Variants in MARVELD3 observed in about 807,000 individuals in gnomAD.
The protein encoded by MARVELD3 is MARVEL domain containing 3.
MARVELD3 carries 28 observed loss-of-function variants against 33.5 expected under a neutral mutation model. That is an observed-to-expected ratio of 0.84 (90% CI 0.62 to 1.15). MARVELD3 has a LOEUF of 1.15. Among genes scored for constraint, MARVELD3 ranks in the 50% most tolerant of loss-of-function variants. The probability of loss-of-function intolerance (pLI) is 0.00; values close to 1 mark genes in which losing one functional copy is unlikely to be tolerated. For missense variants in MARVELD3, 582 were observed against 547.6 expected (o/e 1.06, Z -0.63); for synonymous variants, 241 against 230.4 (o/e 1.05, Z -0.42).
At position 71,634,943 on chromosome 16, in the gene MARVELD3, C is replaced by G; in HGVS notation, c.*140C>G. 6.9e-7 allele frequency: 1 copy of G among 1,443,878 alleles called. No homozygotes were observed. The highest frequency in any genetic ancestry group is 9.1e-7 in the Non-Finnish European group (1 of 1,101,736). 89.4% of individuals were successfully genotyped at this position (1,443,878 alleles called of 1,614,324 possible). A position where few individuals can be genotyped will look rare whatever the true frequency, so the allele number is the denominator to read the frequency against. On this transcript the variant is annotated 3_prime_UTR_variant, in exon 3 of 3. Coordinates refer to ENST00000268485, the MANE Select transcript of MARVELD3 (RefSeq NM_052858.6). ...AGCGTTGGTGTGGTGGGCGGAGCTCCCAGTCGCATGGAGCGGTGTTCATGG... is the reference window on the plus strand; with the variant it reads ...AGCGTTGGTGTGGTGGGCGGAGCTCGCAGTCGCATGGAGCGGTGTTCATGG...
At chr16:71,640,814 CTA>C, downstream of MARVELD3, 3 of 1,614,250 alleles carry the variant, frequency 1.9e-6, no homozygotes, top group South Asian at 3.3e-5. Flanking sequence ...GAGAGAGGCT[CTA>C]TGCCCGCAAG....
Position 71,635,248 on chromosome 16 carries a change from G to A in MARVELD3, c.*445G>A, listed in dbSNP as rs1361721316. The A allele has an allele frequency of 2.3e-6, 2 of 872,456 alleles. No homozygotes were observed. Among genetic ancestry groups the A allele is most frequent in the African/African-American group, 3.7e-5 (2 of 54,476 alleles). 54.0% of individuals were successfully genotyped at this position (872,456 alleles called of 1,614,324 possible). A position where few individuals can be genotyped will look rare whatever the true frequency, so the allele number is the denominator to read the frequency against. Reference sequence around the variant, plus strand: ...GGAGGCTGAGGCAGGAGAATCGCTTGAATCTGGGAGGCGGAGATTGCAGTG... The same window carrying A: ...GGAGGCTGAGGCAGGAGAATCGCTTAAATCTGGGAGGCGGAGATTGCAGTG... On this transcript the variant is annotated 3_prime_UTR_variant, in exon 3 of 3. Transcript: ENST00000268485.
chr16:71,637,012 C>A (rs1045184151), downstream of MARVELD3, among the ~76,000 whole-genome samples: 1 of 152,192 alleles, frequency 6.6e-6, no homozygotes, highest in Non-Finnish European at 1.5e-5. Context: ...AAACTGCTAG[C>A]TCTGCTCGCC....
At chr16:71,631,639 G>T (rs554007263) in intron 2 of MARVELD3, among the ~76,000 whole-genome samples, 9 of 152,128 alleles carry the variant, frequency 5.9e-5, no homozygotes, top group African/African-American at 2.2e-4. Context: ...GTAGAGACAG[G>T]GTTTTACCAT....
At chr16:71,636,553 C>G (rs1364553727), downstream of MARVELD3, 1 of 152,030 alleles carries the variant, frequency 6.6e-6, no homozygotes, top group Non-Finnish European at 1.5e-5. Flanking sequence ...AAATGATCAG[C>G]CACAAAAACA....
Position 71,635,010 on chromosome 16 carries a change from G to C in MARVELD3, c.*207G>C. On this transcript the variant is annotated 3_prime_UTR_variant, in exon 3 of 3. Transcript: ENST00000268485. ...CTTCTGGAGTCCTCTGTGAGTGAGG[G>C]ACCAATCAAAATTATTTTTCAAAAA... The C allele has an allele frequency of 7.7e-7, 1 of 1,302,254 alleles. No individual in the cohort carries two copies. Among genetic ancestry groups the C allele is most frequent in the South Asian group, 2.2e-5 (1 of 45,244 alleles). 80.7% of individuals were successfully genotyped at this position (1,302,254 alleles called of 1,614,324 possible).
chr16:71,637,560 C>T (rs1209060785), downstream of MARVELD3, among the ~76,000 whole-genome samples: 1 of 152,156 alleles, frequency 6.6e-6, no homozygotes, highest in African/African-American at 2.4e-5. Flanking sequence ...AATGTAACTT[C>T]TCAACTATCA....
intron 2 of MARVELD3, among the ~76,000 whole-genome samples, chr16:71,633,302 T>C (rs2044550170): frequency 1.3e-5 from 2 of 152,234 alleles, no homozygotes; most frequent in South Asian, 4.1e-4. Flanking sequence ...GTCAAGGCTA[T>C]AGTGAGCTGT....
chr16:71,630,974 G>T (rs905209395), intron 2 of MARVELD3, among the ~76,000 whole-genome samples: 2 of 152,174 alleles, frequency 1.3e-5, no homozygotes, highest in Admixed American at 1.3e-4. Context: ...TGGTTTGTCT[G>T]GGTGAGAGCT....
At chr16:71,640,291 A>G (rs1382921672), downstream of MARVELD3, 2 of 1,356,804 alleles carry the variant, frequency 1.5e-6, no homozygotes, top group South Asian at 2.8e-5. Context: ...GTTGACATTG[A>G]ATCAACCACG....
chr16:71,641,142 T>C, downstream of MARVELD3: 2 of 1,318,284 alleles, frequency 1.5e-6, no homozygotes, highest in Admixed American at 2.7e-5. Context: ...AAATGCTCTC[T>C]TTGGACTGAG....
At position 71,635,709 on chromosome 16, in the gene MARVELD3, C is replaced by T. The variant is rs1706049364; in HGVS notation, c.*906C>T. 1.0e-6 allele frequency: 1 copy of T among 985,388 alleles called. No homozygotes were observed. The highest frequency in any genetic ancestry group is 1.1e-4 in the East Asian group (1 of 8,812). 61.0% of individuals were successfully genotyped at this position (985,388 alleles called of 1,614,324 possible). On this transcript the variant is annotated 3_prime_UTR_variant, in exon 3 of 3. Coordinates refer to ENST00000268485, the MANE Select transcript of MARVELD3 (RefSeq NM_052858.6). Reference sequence around the variant, plus strand: ...ACACAGTTGTCTCAAGCAGATTACTCCACACGTTTTTCCACACTGAACTCT... The same window carrying T: ...ACACAGTTGTCTCAAGCAGATTACTTCACACGTTTTTCCACACTGAACTCT...
chr16:71,640,365 A>T, downstream of MARVELD3: 1 of 1,608,092 alleles, frequency 6.2e-7, no homozygotes, highest in Non-Finnish European at 8.5e-7. Context: ...TGTCAGTGTT[A>T]AAGCCCGAAT....
intron 1 of MARVELD3, chr16:71,629,123 G>T: frequency 2.3e-6 from 1 of 442,532 alleles, no homozygotes; most frequent in Non-Finnish European, 3.9e-6. Context: ...CAGCTCCCAG[G>T]GGCAGACAAA....
chr16:71,640,660 C>G (rs1161625444), downstream of MARVELD3: 1 of 1,614,228 alleles, frequency 6.2e-7, no homozygotes, highest in South Asian at 1.1e-5. Flanking sequence ...CTCCAAGGAG[C>G]CAAGAGTCGA....
downstream of MARVELD3, chr16:71,640,436 A>G: frequency 8.7e-6 from 14 of 1,614,122 alleles, no homozygotes; most frequent in Non-Finnish European, 1.1e-5. Context: ...TGGTTCTCAT[A>G]TGCATCGTGG....
In MARVELD3 at chr16:71,626,216, C is replaced by T; in HGVS notation, c.-14C>T. ...CCCTCAGGTCGCTCCCGGGCGGGGA[C>T]ACGGAACCCGGCCATGGAAGATCCG... On this transcript the variant is annotated 5_prime_UTR_variant, in exon 1 of 3. Coordinates refer to ENST00000268485, the MANE Select transcript of MARVELD3 (RefSeq NM_052858.6). The surrounding 1 kb of genome is among the most constrained non-coding windows in gnomAD (Gnocchi z 5.3). 3 of 1,454,024 alleles carry T rather than the reference C, an allele frequency of 2.1e-6. No individual in the cohort carries two copies. Among genetic ancestry groups the T allele is most frequent in the Non-Finnish European group, 2.7e-6 (3 of 1,106,386 alleles). 90.1% of individuals were successfully genotyped at this position (1,454,024 alleles called of 1,614,324 possible).
At chr16:71,629,782 C>A (rs1597074799) in intron 2 of MARVELD3, 1 of 419,392 alleles carries the variant, frequency 2.4e-6, no homozygotes, top group Non-Finnish European at 4.1e-6. Context: ...AGTGCAGAGG[C>A]CTGTAGGTGG....
At position 71,629,360 on chromosome 16, in the gene MARVELD3, G is replaced by A. The variant is rs142136309; in HGVS notation, c.468-7G>A. On this transcript the variant is annotated splice_region_variant and splice_polypyrimidine_tract_variant and intron_variant, in intron 1 of 2. Transcript: ENST00000268485. Reference sequence around the variant, plus strand: ...CCCTAATGACCATGTATGCTTTTTGGTTATAGTGAACCCCCTTCGGAGAGA... The same window carrying A: ...CCCTAATGACCATGTATGCTTTTTGATTATAGTGAACCCCCTTCGGAGAGA... 6.4e-5 allele frequency: 98 copies of A among 1,535,784 alleles called. 1 individual carries two copies. In the East Asian group the frequency reaches 2.5e-3, roughly 39 times the overall value.
Sources: gnomAD v4.1 joint callset for allele counts (sites outside exome capture counted in the v4.1 genomes callset) on GRCh38, gnomAD v4.1.1 for gene constraint, Gnocchi (gnomAD v3.1) non-coding constraint, MANE v1.5 for transcripts, NCBI Gene and HGNC (gene_info 2026-07-23, HGNC 2026-07-21) for gene names.